Variants in HEATR4 observed in about 807,000 individuals in gnomAD.
The protein encoded by HEATR4 is HEAT repeat containing 4, also known as HEAT repeat-containing protein 4.
HEATR4 carries 95 observed loss-of-function variants against 108.8 expected under a neutral mutation model. The observed-to-expected ratio is 0.87, with a 90% CI of 0.74 to 1.04. The LOEUF (loss-of-function observed/expected upper bound fraction) is 1.04, where lower values mean the gene tolerates loss of function less well. HEATR4 is among the 50% of genes least tolerant of loss of function. The pLI is 0.00. For missense variants in HEATR4, 1,152 were observed against 1,253.8 expected (o/e 0.92, Z 1.23); for synonymous variants, 443 against 459.4 (o/e 0.96, Z 0.46).
chr14:73,602,382 G>A, the HEATR4 span, among the ~76,000 whole-genome samples: 1 of 152,178 alleles, frequency 6.6e-6, no homozygotes, highest in Non-Finnish European at 1.5e-5. Flanking sequence ...ATTTGCTGAG[G>A]GCAATCGCTT....
the HEATR4 span, among the ~76,000 whole-genome samples, chr14:73,613,829 G>T: frequency 6.6e-6 from 1 of 152,140 alleles, no homozygotes. Context: ...GCTAGGTAAA[G>T]GTAGCCCAGA....
At position 73,554,516 on chromosome 14, in the gene HEATR4, C is replaced by T. The variant is rs184813996; in HGVS notation, c.-152+4235G>A. Among the ~76,000 whole-genome samples, 40 of 114,990 alleles carry T rather than the reference C, an allele frequency of 3.5e-4. 6 individuals are homozygous for T. Among genetic ancestry groups the T allele is most frequent in the African/African-American group, 1.1e-3 (40 of 35,752 alleles). The allele number at this position is 114,990 out of a possible 152,430, so 75.4% of individuals were successfully genotyped here. On this transcript the variant is annotated intron_variant, in intron 1 of 17. Transcript: ENST00000553558. ...TTTTTTCCTCAAAAGTAACCTGTTC[C>T]TCTTTGGAATAGCACATTTTAGGGG...
intron 5 of HEATR4, chr14:73,517,184 C>G (rs183715822): frequency 6.6e-6 from 1 of 152,168 alleles, no homozygotes; most frequent in Non-Finnish European, 1.5e-5. Context: ...ATCAGCCTCG[C>G]GAGTGGCTGG....
the HEATR4 span, among the ~76,000 whole-genome samples, chr14:73,578,508 C>A: frequency 9.7e-4 from 148 of 152,174 alleles, 1 homozygote; most frequent in African/African-American, 3.5e-3. Flanking sequence ...GGATTATAGG[C>A]ATGAGCAACC....
chr14:73,588,278 G>A, the HEATR4 span, among the ~76,000 whole-genome samples: 2 of 152,040 alleles, frequency 1.3e-5, no homozygotes, highest in Non-Finnish European at 2.9e-5. Flanking sequence ...GGGATTACAG[G>A]CATGAGCCAC....
the HEATR4 span, among the ~76,000 whole-genome samples, chr14:73,572,730 C>T: frequency 6.7e-6 from 1 of 148,638 alleles, no homozygotes; most frequent in Non-Finnish European, 1.5e-5. Context: ...ACTGCAACCT[C>T]CACCTCCCGG....
the HEATR4 span, chr14:73,595,287 T>C: frequency 2.5e-6 from 4 of 1,614,078 alleles, no homozygotes; most frequent in East Asian, 2.2e-5. Context: ...AATGCTCTCG[T>C]AGGAGGGTAC....
the HEATR4 span, among the ~76,000 whole-genome samples, chr14:73,570,110 CTTTT>C: frequency 7.1e-5 from 10 of 140,648 alleles, no homozygotes; most frequent in Admixed American, 4.9e-4. Context: ...GGGAGTTACA[CTTTT>C]TTTTTTTTTC....
In HEATR4 at chr14:73,533,942, T is replaced by C. The variant is rs564270077; in HGVS notation, c.-151-3698A>G. On this transcript the variant is annotated intron_variant, in intron 1 of 17. Coordinates refer to ENST00000553558, the MANE Select transcript of HEATR4 (RefSeq NM_001220484.1). Reference sequence around the variant, plus strand: ...CCATGCATGCCTACAATCCCAGCACTTTGGGAAGATGAGGTGGTAGGGTCA... The same window carrying C: ...CCATGCATGCCTACAATCCCAGCACCTTGGGAAGATGAGGTGGTAGGGTCA... 4.7e-5 allele frequency among the ~76,000 whole-genome samples: 5 copies of C among 106,578 alleles called. 1 individual carries two copies. The highest frequency in any genetic ancestry group is 6.0e-5 in the Non-Finnish European group (3 of 49,948). The allele number at this position is 106,578 out of a possible 152,430, so 69.9% of individuals were successfully genotyped here. A position where few individuals can be genotyped will look rare whatever the true frequency, so the allele number is the denominator to read the frequency against.
chr14:73,574,881 C>T, the HEATR4 span: 16 of 1,613,280 alleles, frequency 9.9e-6, no homozygotes, highest in East Asian at 2.2e-5. Flanking sequence ...AATCATTCTT[C>T]TTCTTTTTCC....
the HEATR4 span, among the ~76,000 whole-genome samples, chr14:73,624,629 C>A: frequency 6.6e-6 from 1 of 152,052 alleles, no homozygotes; most frequent in African/African-American, 2.4e-5. Context: ...AAAAAACCCT[C>A]TTTTTAGTAA....
chr14:73,568,856 AG>A, the HEATR4 span, among the ~76,000 whole-genome samples: 1 of 152,070 alleles, frequency 6.6e-6, no homozygotes, highest in African/African-American at 2.4e-5. Flanking sequence ...AGAACACAAA[AG>A]CAAAACACCA....
rs776812249 is a variant in HEATR4, at chr14:73,492,166, T to G, written c.2844+900A>C. The G allele has an allele frequency of 1.2e-6, 2 of 1,613,962 alleles. No individual in the cohort carries two copies. The highest frequency in any genetic ancestry group is 3.3e-5 in the Admixed American group (2 of 60,016). ...CCAACTTCAGTCAGGACGACCTCGG[T>G]GAGCCGGTGCTGCAGACCGTGCTGG... On this transcript the variant is annotated intron_variant, in intron 17 of 17. Transcript: ENST00000553558. This position sits in a 1 kb window ranked among gnomAD's most constrained non-coding sequence, Gnocchi z 4.9.
chr14:73,478,908 A>AG (rs1441678041), intron 17 of HEATR4, 66 bp from the exon 18 acceptor site: 2 of 1,233,166 alleles, frequency 1.6e-6, no homozygotes, highest in South Asian at 1.4e-5. Context: ...GCAGAGCCCA[A>AG]GTGAAGGCCT....
At chr14:73,497,574 T>C (rs10138789) in intron 14 of HEATR4, among the ~76,000 whole-genome samples, 29,744 of 152,178 alleles carry the variant, frequency 0.2, 3,370 homozygotes, top group East Asian at 0.41. Context: ...TAAAACTTGT[T>C]GTCCCAATAG....
At position 73,509,470 on chromosome 14, in the gene HEATR4, T is replaced by G; in HGVS notation, c.1562A>C (p.Lys521Thr). Reference sequence around the variant, plus strand: ...AACCTCCGGCAAGTCCTGGATGGTCTTGTCTGTGATCAAAAGAGCCAGGTA... The same window carrying G: ...AACCTCCGGCAAGTCCTGGATGGTCGTGTCTGTGATCAAAAGAGCCAGGTA... ...RIATSQRDSD[K>T]TIQDLPEVLL... The change falls in exon 8 of 18, where the codon AAG becomes ACG. Residue 521 changes from lysine (K) to threonine (T), a missense_variant. Transcript: ENST00000553558. The G allele has an allele frequency of 6.2e-7, 1 of 1,613,844 alleles. No homozygotes were observed. The highest frequency in any genetic ancestry group is 1.1e-5 in the South Asian group (1 of 91,062).
Position 73,478,710 on chromosome 14 carries a change from A to G in HEATR4, c.2977T>C (p.Phe993Leu). ...SPEKRIAVGP[F>L]RSDYPALYLG... is the part of the protein sequence containing the mutation. ...TAAAGAGCTGGGTAGTCGGATCTAA[A>G]TGGTCCCACAGCAATCCTTTTCTCG... Residue 993 changes from phenylalanine to leucine, a missense_variant, in exon 18 of 18, where the codon TTT becomes CTT. By Grantham distance (22) the Phe-to-Leu change is conservative (BLOSUM62 0). Transcript: ENST00000553558. The G allele has an allele frequency of 1.9e-6, 3 of 1,613,744 alleles. No homozygotes were observed. The highest frequency in any genetic ancestry group is 1.1e-5 in the South Asian group (1 of 91,028).
At position 73,537,935 on chromosome 14, in the gene HEATR4, C is replaced by CTGTGTGTG. The variant is rs375758117; in HGVS notation, c.-151-7699_-151-7692dup. 32 of 1,094,620 alleles carry CTGTGTGTG rather than the reference C, an allele frequency of 2.9e-5. 5 individuals are homozygous for CTGTGTGTG. In the African/African-American group the frequency reaches 5.7e-4, roughly 19 times the overall value. The allele number at this position is 1,094,620 out of a possible 1,614,324, so 67.8% of individuals were successfully genotyped here. Reference sequence around the variant, plus strand: ...CCCATCCCTGTTCCTGCGCTTTCCACTGTGTGTGTGTGTGTGTCCCCTTCG... The same window carrying CTGTGTGTG: ...CCCATCCCTGTTCCTGCGCTTTCCACTGTGTGTGTGTGTGTGTGTGTGTGTCCCCTTCG... On this transcript the variant is annotated intron_variant, in intron 1 of 17. Coordinates refer to ENST00000553558, the MANE Select transcript of HEATR4 (RefSeq NM_001220484.1).
rs371875141 is a variant in HEATR4 at position 73,528,392 on chromosome 14, CAAAAA to C, written c.-73+1769_-73+1773del. Among the ~76,000 whole-genome samples, 229 of 88,480 alleles carry C rather than the reference CAAAAA, an allele frequency of 2.6e-3. 1 individual carries two copies. The highest frequency in any genetic ancestry group is 0.014 in the East Asian group (39 of 2,744). 58.0% of individuals were successfully genotyped at this position (88,480 alleles called of 152,430 possible). ...GGACGACAAGAGCGAAACTTCATCT[CAAAAA>C]AAAAAAAAAAAAAAAAACTTAAGGA... On this transcript the variant is annotated intron_variant, in intron 2 of 17. Coordinates refer to ENST00000553558, the MANE Select transcript of HEATR4 (RefSeq NM_001220484.1).
Sources: gnomAD v4.1 joint callset for allele counts (sites outside exome capture counted in the v4.1 genomes callset) on GRCh38, gnomAD v4.1.1 for gene constraint, Gnocchi (gnomAD v3.1) non-coding constraint, MANE v1.5 for transcripts, NCBI Gene and HGNC (gene_info 2026-07-23, HGNC 2026-07-21) for gene names.